GRM5: variants seen among roughly 807,000 people sequenced by gnomAD.
The protein encoded by GRM5 is metabotropic glutamate receptor 5.
A neutral mutation model predicts 83.1 loss-of-function variants in GRM5; 19 were observed. That is an observed-to-expected ratio of 0.23 (90% CI 0.16 to 0.34). GRM5 has a LOEUF of 0.34. Ranked by LOEUF, GRM5 falls within the 10% of genes least tolerant of loss-of-function variation. The probability of loss-of-function intolerance (pLI) is 1.00; values close to 1 mark genes in which losing one functional copy is unlikely to be tolerated. For missense variants in GRM5, 1,160 were observed against 1,588.3 expected (o/e 0.73, Z 4.58); for synonymous variants, 675 against 633.6 (o/e 1.07, Z -0.98).
intron 4 of GRM5, among the ~76,000 whole-genome samples, chr11:88,646,741 A>C (rs1165365987): frequency 6.6e-6 from 1 of 152,030 alleles, no homozygotes; most frequent in Non-Finnish European, 1.5e-5. Context: ...AACAAAGACA[A>C]AATGAACTAA....
At chr11:88,798,303 A>G (rs1372680150) in intron 3 of GRM5, among the ~76,000 whole-genome samples, 1 of 152,174 alleles carries the variant, frequency 6.6e-6, no homozygotes, top group Non-Finnish European at 1.5e-5. Context: ...GGCAGGCACT[A>G]TGTCCAATTA....
chr11:89,030,390 T>C (rs1221459805), intron 2 of GRM5, among the ~76,000 whole-genome samples: 1 of 152,098 alleles, frequency 6.6e-6, no homozygotes, highest in East Asian at 1.9e-4. Context: ...GGGGAAGTAT[T>C]TTCTCCAGCA....
intron 3 of GRM5, among the ~76,000 whole-genome samples, chr11:88,825,439 ACT>A (rs1943879809): frequency 6.6e-6 from 1 of 152,178 alleles, no homozygotes; most frequent in Non-Finnish European, 1.5e-5. Flanking sequence ...GACAGTCTTT[ACT>A]TTCCTTACTT....
intron 2 of GRM5, among the ~76,000 whole-genome samples, chr11:88,954,140 G>A (rs1938541100): frequency 1.3e-5 from 2 of 152,084 alleles, no homozygotes; most frequent in Admixed American, 6.5e-5. Flanking sequence ...AAGTCCATAG[G>A]TTAGCTAAAA....
At chr11:88,689,477 G>C (rs1308143498) in intron 3 of GRM5, among the ~76,000 whole-genome samples, 3 of 152,220 alleles carry the variant, frequency 2.0e-5, no homozygotes, top group Non-Finnish European at 1.5e-5. Context: ...GAAAGGAACA[G>C]TATAAATACT....
chr11:88,817,860 A>C (rs943054205), intron 3 of GRM5, among the ~76,000 whole-genome samples: 1 of 152,118 alleles, frequency 6.6e-6, no homozygotes, highest in Admixed American at 6.5e-5. Context: ...GATAATCCAC[A>C]GTGTTAAGAA....
intron 3 of GRM5, among the ~76,000 whole-genome samples, chr11:88,742,769 T>G (rs537280703): frequency 6.6e-6 from 1 of 152,164 alleles, no homozygotes; most frequent in South Asian, 2.1e-4. Context: ...TCTGTGGGTG[T>G]AAGGAATGCA....
intron 2 of GRM5, among the ~76,000 whole-genome samples, chr11:88,868,502 C>T (rs1040713804): frequency 1.3e-5 from 2 of 151,688 alleles, no homozygotes; most frequent in Admixed American, 6.6e-5. Flanking sequence ...TAATTACACA[C>T]ATTTTTATGA....
intron 2 of GRM5, among the ~76,000 whole-genome samples, chr11:88,906,373 C>T (rs1328013777): frequency 3.3e-5 from 5 of 152,012 alleles, no homozygotes; most frequent in Admixed American, 1.3e-4. Context: ...TGAGGACATT[C>T]GTACATAAAT....
chr11:88,724,186 A>T (rs1241481991), intron 3 of GRM5, among the ~76,000 whole-genome samples: 1 of 152,170 alleles, frequency 6.6e-6, no homozygotes, highest in Non-Finnish European at 1.5e-5. Flanking sequence ...TTCTCATTCC[A>T]CATGAGTGTT....
chr11:89,009,199 A>G, intron 2 of GRM5: 3 of 622,856 alleles, frequency 4.8e-6, no homozygotes, highest in Non-Finnish European at 5.8e-6. Context: ...ACACAAAGGT[A>G]AGTTGACATA....
rs765640373 is a variant in GRM5, at chr11:88,508,814, C to T, written c.3417G>A (p.Ala1139=). The T allele has an allele frequency of 6.6e-7, 1 of 1,525,870 alleles. No homozygotes were observed. The highest frequency in any genetic ancestry group is 8.8e-7 in the Non-Finnish European group (1 of 1,136,980). 94.5% of individuals were successfully genotyped at this position (1,525,870 alleles called of 1,614,324 possible). ...PAAGAQAAGD[A]ARESPAAGPE... The stretch of plus-strand genomic sequence containing the variant: ...GACCGGCCGCGGGGCTCTCCCGGGC[C>T]GCGTCCCCAGCCGCCTGCGCCCCTG... Residue 1139 remains alanine, a synonymous_variant, in exon 10 of 10, where the codon GCG becomes GCA. Coordinates refer to ENST00000305447, the MANE Select transcript of GRM5 (RefSeq NM_001143831.3). This position sits in a 1 kb window ranked among gnomAD's most constrained non-coding sequence, Gnocchi z 4.2.
At chr11:88,917,293 C>T (rs1340152596) in intron 2 of GRM5, among the ~76,000 whole-genome samples, 2 of 152,158 alleles carry the variant, frequency 1.3e-5, no homozygotes, top group Non-Finnish European at 2.9e-5. Context: ...TTGGGGTGCC[C>T]CCTAATGCAC....
intron 3 of GRM5, among the ~76,000 whole-genome samples, chr11:88,718,877 T>C (rs2135392227): frequency 6.6e-6 from 1 of 152,058 alleles, no homozygotes; most frequent in South Asian, 2.1e-4. Context: ...AAGTCACAGA[T>C]TCTGTAAAAG....
chr11:88,971,377 A>G (rs1162461500), intron 2 of GRM5, among the ~76,000 whole-genome samples: 3 of 152,104 alleles, frequency 2.0e-5, no homozygotes, highest in South Asian at 2.1e-4. Context: ...AGATTATTTC[A>G]TCGCTCAGAT....
chr11:88,681,516 T>C (rs1940485788), intron 3 of GRM5, among the ~76,000 whole-genome samples: 1 of 149,830 alleles, frequency 6.7e-6, no homozygotes, highest in Non-Finnish European at 1.5e-5. Context: ...TTTTCATTTC[T>C]GGATCATATT....
At chr11:88,763,148 T>C (rs60074438) in intron 3 of GRM5, among the ~76,000 whole-genome samples, 1,570 of 151,992 alleles carry the variant, frequency 0.01, 28 homozygotes, top group African/African-American at 0.036. Flanking sequence ...ATAGCAAACC[T>C]GCACATGTAC....
intron 4 of GRM5, among the ~76,000 whole-genome samples, chr11:88,617,747 G>C (rs562753935): frequency 2.8e-4 from 43 of 152,176 alleles, no homozygotes; most frequent in African/African-American, 1.0e-3. Flanking sequence ...ATTCTCTGTT[G>C]GTTTGTTCCT....
chr11:88,521,827 G>A (rs1193067303), intron 9 of GRM5, among the ~76,000 whole-genome samples: 2 of 152,160 alleles, frequency 1.3e-5, no homozygotes, highest in Admixed American at 6.5e-5. Context: ...GGTTGAGGGA[G>A]GAAGGCAGAA....
Sources: gnomAD v4.1 joint callset for allele counts (sites outside exome capture counted in the v4.1 genomes callset) on GRCh38, gnomAD v4.1.1 for gene constraint, Gnocchi (gnomAD v3.1) non-coding constraint, MANE v1.5 for transcripts, NCBI Gene and HGNC (gene_info 2026-07-23, HGNC 2026-07-21) for gene names.